NEGR1: variants seen among roughly 807,000 people sequenced by gnomAD.
NEGR1 encodes neuronal growth regulator 1, also known as IgLON family member 4.
In NEGR1, 10 loss-of-function variants were observed where a neutral mutation model predicts 40.9. That is an observed-to-expected ratio of 0.24 (90% CI 0.15 to 0.42). NEGR1 has a LOEUF of 0.42. Among genes scored for constraint, NEGR1 ranks in the 10% least tolerant of loss-of-function variants. The pLI, the probability that NEGR1 is intolerant of heterozygous loss-of-function variation, is 1.00. For missense variants in NEGR1, 352 were observed against 438.9 expected (o/e 0.80, Z 1.77); for synonymous variants, 185 against 166.8 (o/e 1.11, Z -0.84).
chr1:71,444,571 A>C (rs1432207273), intron 6 of NEGR1, among the ~76,000 whole-genome samples: 1 of 152,194 alleles, frequency 6.6e-6, no homozygotes, highest in Non-Finnish European at 1.5e-5. Flanking sequence ...AGGGCCATAC[A>C]AAAACAAGAA....
chr1:71,714,795 C>A (rs1176875631), intron 3 of NEGR1, among the ~76,000 whole-genome samples: 1 of 152,244 alleles, frequency 6.6e-6, no homozygotes, highest in Non-Finnish European at 1.5e-5. Flanking sequence ...GCTCTCCCAG[C>A]TGCTTTCACA....
chr1:71,460,189 C>T (rs1155176), intron 6 of NEGR1, among the ~76,000 whole-genome samples: 148,539 of 152,308 alleles, frequency 0.98, 72,558 homozygotes, highest in East Asian at 1. Flanking sequence ...AATTACATAT[C>T]GTGAACTGTG....
chr1:71,441,535 T>G (rs1646547142), intron 6 of NEGR1, among the ~76,000 whole-genome samples: 1 of 152,168 alleles, frequency 6.6e-6, no homozygotes, highest in South Asian at 2.1e-4. Context: ...GATGAGTGAT[T>G]GGATCATTCA....
At chr1:72,164,088 G>A (rs1340307475) in intron 1 of NEGR1, among the ~76,000 whole-genome samples, 1 of 151,792 alleles carries the variant, frequency 6.6e-6, no homozygotes, top group East Asian at 1.9e-4. Flanking sequence ...CCATCAGTAA[G>A]TTTTCAGGTC....
intron 1 of NEGR1, among the ~76,000 whole-genome samples, chr1:71,986,741 G>C (rs1441806593): frequency 2.0e-5 from 3 of 152,186 alleles, no homozygotes; most frequent in Non-Finnish European, 4.4e-5. Context: ...GCCACAGGTG[G>C]CTTCACCGGA....
chr1:72,122,916 T>A (rs1649856311), intron 1 of NEGR1, among the ~76,000 whole-genome samples: 1 of 151,862 alleles, frequency 6.6e-6, no homozygotes, highest in Admixed American at 6.6e-5. Context: ...AACTCTATAT[T>A]CCATAACGGC....
intron 1 of NEGR1, among the ~76,000 whole-genome samples, chr1:72,052,050 G>C (rs1647066793): frequency 6.6e-6 from 1 of 151,316 alleles, no homozygotes; most frequent in Non-Finnish European, 1.5e-5. Context: ...TAACTTGGTG[G>C]GTATTTCTCT....
chr1:71,577,419 C>T (rs1363902986), intron 6 of NEGR1, among the ~76,000 whole-genome samples: 1 of 152,066 alleles, frequency 6.6e-6, no homozygotes, highest in Non-Finnish European at 1.5e-5. Context: ...AAGCTGTCAA[C>T]AATGTTGGAG....
chr1:71,502,820 C>T (rs1357697385), intron 6 of NEGR1, among the ~76,000 whole-genome samples: 1 of 152,196 alleles, frequency 6.6e-6, no homozygotes, highest in Non-Finnish European at 1.5e-5. Context: ...GTGTGCATGA[C>T]TGAGATGTAT....
At chr1:71,836,792 C>T (rs1347111819) in intron 2 of NEGR1, among the ~76,000 whole-genome samples, 1 of 151,880 alleles carries the variant, frequency 6.6e-6, no homozygotes, top group African/African-American at 2.4e-5. Context: ...ATATTTTTAC[C>T]CGCTACTACA....
At chr1:71,546,586 T>C (rs1647902482) in intron 6 of NEGR1, among the ~76,000 whole-genome samples, 1 of 151,678 alleles carries the variant, frequency 6.6e-6, no homozygotes, top group African/African-American at 2.4e-5. Context: ...CCTTTTAATA[T>C]TCACAACAAC....
intron 6 of NEGR1, among the ~76,000 whole-genome samples, chr1:71,563,495 T>C (rs1648524895): frequency 6.6e-6 from 1 of 151,900 alleles, no homozygotes; most frequent in Non-Finnish European, 1.5e-5. Context: ...TATGCTCCAA[T>C]CATACAGAGG....
At chr1:71,804,626 C>G (rs979230154) in intron 2 of NEGR1, among the ~76,000 whole-genome samples, 1 of 152,198 alleles carries the variant, frequency 6.6e-6, no homozygotes, top group Admixed American at 6.5e-5. Flanking sequence ...ATTTCATGGA[C>G]ACTTATCACT....
At chr1:72,105,047 A>C (rs1029701444) in intron 1 of NEGR1, among the ~76,000 whole-genome samples, 1 of 152,140 alleles carries the variant, frequency 6.6e-6, no homozygotes, top group Non-Finnish European at 1.5e-5. Flanking sequence ...TTTTTTCTGT[A>C]AATTCACAAT....
intron 1 of NEGR1, among the ~76,000 whole-genome samples, chr1:72,049,835 G>T (rs992058594): frequency 1.3e-5 from 2 of 151,506 alleles, no homozygotes; most frequent in Admixed American, 1.3e-4. Context: ...TATAAATCAG[G>T]CTAAACAGCA....
intron 3 of NEGR1, among the ~76,000 whole-genome samples, chr1:71,760,939 T>G (rs1262051782): frequency 6.6e-6 from 1 of 152,218 alleles, no homozygotes; most frequent in Non-Finnish European, 1.5e-5. Context: ...ATAACTGTAA[T>G]GACTTAAACT....
chr1:72,229,277 C>T lies in NEGR1; in HGVS notation c.176+53042G>A, dbSNP rs184802491. ...GAATCCATATATTACCTCTAATTGACATTTTTGGTTTACAGTAATGTAATT... is the reference window on the plus strand; with the variant it reads ...GAATCCATATATTACCTCTAATTGATATTTTTGGTTTACAGTAATGTAATT... On this transcript the variant is annotated intron_variant, in intron 1 of 6. Transcript: ENST00000357731. Among the ~76,000 whole-genome samples the T allele has an allele frequency of 4.4e-4, 67 of 150,824 alleles. No individual in the cohort carries two copies. In the Middle Eastern group the frequency reaches 0.011, roughly 24 times the overall value.
At chr1:71,412,131 G>T (rs1463134143) in intron 6 of NEGR1, among the ~76,000 whole-genome samples, 2 of 152,110 alleles carry the variant, frequency 1.3e-5, no homozygotes, top group African/African-American at 2.4e-5. Flanking sequence ...AAACTTTACA[G>T]CCTGGCATTC....
At chr1:72,021,539 T>C (rs1220999681) in intron 1 of NEGR1, among the ~76,000 whole-genome samples, 3 of 151,882 alleles carry the variant, frequency 2.0e-5, no homozygotes, top group Non-Finnish European at 4.4e-5. Context: ...AAAAACCATA[T>C]TGTGAATGAA....
Sources: allele counts gnomAD v4.1 joint callset (sites outside exome capture counted in the v4.1 genomes callset), GRCh38; gene constraint gnomAD v4.1.1; transcripts MANE v1.5; gene names NCBI Gene and HGNC (gene_info 2026-07-23, HGNC 2026-07-21).